Variants in SGIP1 observed in about 807,000 individuals in gnomAD.
SGIP1 encodes the protein SH3-containing GRB2-like protein 3-interacting protein 1.
SGIP1 carries 38 observed loss-of-function variants against 107.5 expected under a neutral mutation model. The observed-to-expected ratio is 0.35, with a 90% CI of 0.27 to 0.46. The LOEUF (loss-of-function observed/expected upper bound fraction) is 0.46, where lower values mean the gene tolerates loss of function less well. Ranked by LOEUF, SGIP1 falls within the 20% of genes least tolerant of loss-of-function variation. SGIP1 has a pLI of 1.00. For synonymous variants in SGIP1, 365 were observed against 366.1 expected (o/e 1.00, Z 0.03); for missense variants, 929 against 1,019.5 (o/e 0.91, Z 1.21).
At chr1:66,642,964 A>G in intron 6 of SGIP1, 100 bp downstream of exon 6, 2 of 1,026,070 alleles carry the variant, frequency 1.9e-6, no homozygotes, top group Non-Finnish European at 2.9e-6. Flanking sequence ...CCGAATCTTC[A>G]CAAGTCCTGT....
intron 6 of SGIP1, 117 bp from the exon 7 acceptor site, chr1:66,643,427 G>A (rs1217247182): frequency 2.8e-6 from 2 of 722,294 alleles, no homozygotes; most frequent in South Asian, 3.6e-5. Flanking sequence ...TGTATGTTTT[G>A]CTTTGATTTT....
chr1:66,694,172 C>A (rs1370435422), intron 17 of SGIP1, among the ~76,000 whole-genome samples: 1 of 151,046 alleles, frequency 6.6e-6, no homozygotes, highest in Non-Finnish European at 1.5e-5. Context: ...ATGACTTCTT[C>A]CCTGGAGCTG....
intron 19 of SGIP1, among the ~76,000 whole-genome samples, chr1:66,727,854 G>A (rs2093829054): frequency 6.6e-6 from 1 of 151,948 alleles, no homozygotes; most frequent in Non-Finnish European, 1.5e-5. Context: ...TCTTGCCTAG[G>A]GACAGGGAAA....
rs140174617 is a variant in SGIP1 at position 66,739,358 on chromosome 1, C to T, written c.2055C>T (p.Ser685=). The change falls in exon 22 of 25, where the codon TCC becomes TCT. Residue 685 remains serine (S), a synonymous_variant. Coordinates refer to ENST00000371037, the MANE Select transcript of SGIP1 (RefSeq NM_032291.4). ...KYQVSAQGIQ[S]TPLNLAVNWR... ...AGGTGTCTGCCCAGGGCATTCAGTC[C>T]ACACCTCTGAACCTGGCAGTGAATT... 1.3e-4 allele frequency: 204 copies of T among 1,614,026 alleles called. No individual in the cohort carries two copies. In the African/African-American group the frequency reaches 2.5e-3, roughly 20 times the overall value.
At chr1:66,586,364 T>C (rs1430125456) in intron 1 of SGIP1, among the ~76,000 whole-genome samples, 1 of 152,170 alleles carries the variant, frequency 6.6e-6, no homozygotes, top group Admixed American at 6.6e-5. Context: ...AGTTTAACTA[T>C]GGCAATTTTT....
At chr1:66,550,470 C>T (rs2057242126) in intron 1 of SGIP1, among the ~76,000 whole-genome samples, 1 of 151,988 alleles carries the variant, frequency 6.6e-6, no homozygotes, top group South Asian at 2.1e-4. Context: ...CCAGAACAGC[C>T]CTAGATCTCT....
chr1:66,582,435 G>C (rs2061959167), intron 1 of SGIP1, among the ~76,000 whole-genome samples: 1 of 151,932 alleles, frequency 6.6e-6, no homozygotes, highest in Non-Finnish European at 1.5e-5. Flanking sequence ...AATATGAATG[G>C]AGAGTCATTG....
chr1:66,661,600 T>C (rs962190013), intron 8 of SGIP1, among the ~76,000 whole-genome samples: 3 of 152,220 alleles, frequency 2.0e-5, no homozygotes, highest in Non-Finnish European at 4.4e-5. Context: ...AATGGCCCGC[T>C]TCTGAGTAAT....
upstream of SGIP1, chr1:66,534,150 A>G: frequency 1.6e-6 from 1 of 609,830 alleles, no homozygotes; most frequent in Non-Finnish European, 2.9e-6. Flanking sequence ...CCTTTCTCTC[A>G]GCATCTTCTT....
intron 1 of SGIP1, among the ~76,000 whole-genome samples, chr1:66,552,792 G>C (rs1214887864): frequency 6.6e-6 from 1 of 151,228 alleles, no homozygotes; most frequent in South Asian, 2.1e-4. Flanking sequence ...TCTTTTTTTT[G>C]TTTACATTTC....
At chr1:66,550,041 T>C (rs896892131) in intron 1 of SGIP1, among the ~76,000 whole-genome samples, 3 of 152,148 alleles carry the variant, frequency 2.0e-5, no homozygotes, top group Admixed American at 2.0e-4. Flanking sequence ...GAAGAGCTCA[T>C]TGCTATACCC....
At position 66,749,403 on chromosome 1, in the gene SGIP1, T is replaced by C. The variant is rs2094595099; in HGVS notation, c.*6308T>C. Among the ~76,000 whole-genome samples the C allele has an allele frequency of 6.6e-6, 1 of 151,868 alleles. No homozygotes were observed. The highest frequency in any genetic ancestry group is 6.6e-5 in the Admixed American group (1 of 15,254). On this transcript the variant is annotated 3_prime_UTR_variant, in exon 25 of 25. Transcript: ENST00000371037. ...AGCAGTGCACTGTTTAGCACAGATTTTGTGAGATTCTATACTCTTTTAATG... is the reference window on the plus strand; with the variant it reads ...AGCAGTGCACTGTTTAGCACAGATTCTGTGAGATTCTATACTCTTTTAATG...
At chr1:66,612,508 A>G (rs2068244630) in intron 1 of SGIP1, among the ~76,000 whole-genome samples, 1 of 152,260 alleles carries the variant, frequency 6.6e-6, no homozygotes, top group Non-Finnish European at 1.5e-5. Context: ...CTTTACTTTT[A>G]TATGATGTAT....
At chr1:66,678,380 G>T (rs1360649400) in intron 13 of SGIP1, among the ~76,000 whole-genome samples, 1 of 152,250 alleles carries the variant, frequency 6.6e-6, no homozygotes, top group Admixed American at 6.5e-5. Flanking sequence ...AGCACAGGCT[G>T]TTGTTTAATT....
chr1:66,635,307 C>T (rs2075564190), intron 3 of SGIP1, among the ~76,000 whole-genome samples: 2 of 152,196 alleles, frequency 1.3e-5, no homozygotes, highest in African/African-American at 4.8e-5. Flanking sequence ...TCATGGTGTC[C>T]GAGTGTGACA....
In SGIP1 at chr1:66,633,071, G is replaced by T; in HGVS notation, c.76G>T (p.Gly26Cys). The T allele has an allele frequency of 6.5e-7, 1 of 1,538,072 alleles. No homozygotes were observed. Among genetic ancestry groups the T allele is most frequent in the African/African-American group, 1.4e-5 (1 of 73,280 alleles). ...GCTATCAATTTCTTTTTGTTACAGA[G>T]GTTCACCAGATAGAGATGGAATTGT... Reference protein sequence around the residue: ...RKKEKDTDSTGSPDRDGIQPS... With the variant: ...RKKEKDTDSTCSPDRDGIQPS... The change falls in exon 3 of 25, where the codon GGT (glycine) becomes TGT (cysteine). Residue 26 changes from glycine (G) to cysteine (C), a missense_variant and splice_region_variant. Physicochemically the swap from Gly to Cys is radical, Grantham distance 159 (BLOSUM62 -3). Around this residue, in one of 2 missense-constraint regions of SGIP1, gnomAD observed 588 missense variants for 588.6 expected, o/e 1.00. Coordinates refer to ENST00000371037, the MANE Select transcript of SGIP1 (RefSeq NM_032291.4).
upstream of SGIP1, chr1:66,534,030 G>T (rs925585856): frequency 6.9e-6 from 3 of 432,192 alleles, no homozygotes; most frequent in Non-Finnish European, 1.3e-5. Context: ...GCTCTCCGGG[G>T]GTATTGTGTC....
At chr1:66,707,193 G>T (rs776168654) in intron 18 of SGIP1, among the ~76,000 whole-genome samples, 1 of 152,014 alleles carries the variant, frequency 6.6e-6, no homozygotes, top group Non-Finnish European at 1.5e-5. Flanking sequence ...AACTTTTTGG[G>T]CACGAAATAA....
chr1:66,544,077 T>A (rs1367176107), intron 1 of SGIP1, among the ~76,000 whole-genome samples: 1 of 152,158 alleles, frequency 6.6e-6, no homozygotes, highest in Non-Finnish European at 1.5e-5. Context: ...GCTCTTTTGC[T>A]TTTTCTGTAG....
Sources: gnomAD v4.1 joint callset for allele counts (sites outside exome capture counted in the v4.1 genomes callset) on GRCh38, gnomAD v4.1.1 for gene constraint, gnomAD v4.1.1 regional missense constraint, MANE v1.5 for transcripts, NCBI Gene and HGNC (gene_info 2026-07-23, HGNC 2026-07-21) for gene names.